Variants in CR1 observed in about 807,000 individuals in gnomAD.
CR1 encodes complement C3b/C4b receptor 1 (Knops blood group), also known as complement receptor type 1.
In CR1, 116 loss-of-function variants were observed where a neutral mutation model predicts 187.3. The ratio of observed to expected loss-of-function variants is 0.62; its 90% CI spans 0.53 to 0.72. The LOEUF (loss-of-function observed/expected upper bound fraction) is 0.72. Among genes scored for constraint, CR1 ranks in the 30% least tolerant of loss-of-function variants. CR1 has a pLI of 0.00. For missense variants in CR1, 1,731 were observed against 2,110.7 expected (o/e 0.82, Z 3.52); for synonymous variants, 576 against 747.1 (o/e 0.77, Z 3.73).
At chr1:207,635,538 G>A (rs768355118) in intron 46 of CR1, among the ~76,000 whole-genome samples, 7 of 151,970 alleles carry the variant, frequency 4.6e-5, no homozygotes, top group Non-Finnish European at 8.8e-5. Flanking sequence ...ATATACAATC[G>A]GGTTTTACAC....
At position 207,616,810 on chromosome 1, in the gene CR1, C is replaced by T. The variant is rs1170459279; in HGVS notation, c.6889+8C>T. The T allele has an allele frequency of 1.2e-6, 2 of 1,613,470 alleles. No homozygotes were observed. Among genetic ancestry groups the T allele is most frequent in the Non-Finnish European group, 8.5e-7 (1 of 1,179,664 alleles). On this transcript the variant is annotated splice_region_variant and intron_variant, in intron 41 of 46. Transcript: ENST00000367049. ...AACTTTCTGTTCCTGCTGGTTAGTACCTGCTTCCACATATCCTAAATGGGT... is the reference window on the plus strand; with the variant it reads ...AACTTTCTGTTCCTGCTGGTTAGTATCTGCTTCCACATATCCTAAATGGGT...
intron 39 of CR1, among the ~76,000 whole-genome samples, chr1:207,614,115 G>A (rs1399118955): frequency 6.6e-6 from 1 of 152,152 alleles, no homozygotes; most frequent in African/African-American, 2.4e-5. Context: ...CCTTCTGTAG[G>A]TGATGCTGGG....
At chr1:207,623,911 CTTTTTTTTTTT>C (rs71154830) in intron 45 of CR1, among the ~76,000 whole-genome samples, 5 of 52,452 alleles carry the variant, frequency 9.5e-5, no homozygotes, top group African/African-American at 7.1e-5. Context: ...ACACCATTAA[CTTTTTTTTTTT>C]TTTTTTTTTT....
chr1:207,506,893 G>C, intron 3 of CR1, 80 bp downstream of exon 3: 2 of 1,175,348 alleles, frequency 1.7e-6, no homozygotes, highest in South Asian at 1.4e-5. Flanking sequence ...TCACATGTCA[G>C]AAAGGACAAC....
chr1:207,520,383 G>A (rs1265272189), intron 4 of CR1, among the ~76,000 whole-genome samples: 1 of 152,212 alleles, frequency 6.6e-6, no homozygotes. Context: ...CAGCACGACT[G>A]CCTGGAACAT....
chr1:207,609,131 G>A (rs2102383022), intron 36 of CR1, among the ~76,000 whole-genome samples, 159 bp from the exon 37 acceptor site: 1 of 152,050 alleles, frequency 6.6e-6, no homozygotes, highest in Non-Finnish European at 1.5e-5. Flanking sequence ...TTTCAACTAG[G>A]TAAAAATGTC....
Position 207,609,686 on chromosome 1 carries a change from G to A in CR1, c.6293G>A (p.Arg2098Lys). 1 of 1,572,558 alleles carries A rather than the reference G, an allele frequency of 6.4e-7. No individual in the cohort carries two copies. The highest frequency in any genetic ancestry group is 8.6e-7 in the Non-Finnish European group (1 of 1,160,878). ...RWGPKLPHCS[R>K]VCQPPPEILH... The stretch of plus-strand genomic sequence containing the variant: ...GGGCCCAAGCTGCCACACTGCTCCA[G>A]GGGTGAGTGTGACCCATCAAGACTT... Residue 2098 changes from arginine to lysine, a missense_variant and splice_region_variant, in exon 37 of 47, where the codon AGG becomes AAG. Around this residue, in one of 5 missense-constraint regions of CR1, gnomAD observed 1,312 missense variants for 1,379.6 expected, o/e 0.95. Coordinates refer to ENST00000367049, the MANE Select transcript of CR1 (RefSeq NM_000651.6).
intron 35 of CR1, chr1:207,599,066 G>C (rs114868844): frequency 6.6e-6 from 1 of 152,242 alleles, no homozygotes; most frequent in African/African-American, 2.4e-5. Context: ...AAAATACACC[G>C]TATGTTAACA....
intron 46 of CR1, among the ~76,000 whole-genome samples, chr1:207,632,797 CAAAAAAAAA>C (rs55649027): frequency 4.6e-5 from 5 of 107,640 alleles, no homozygotes; most frequent in African/African-American, 1.8e-4. Flanking sequence ...GACTCCGTCT[CAAAAAAAAA>C]AAAAAAAAAA....
chr1:207,580,588 A>C lies in CR1; in HGVS notation c.5191A>C (p.Lys1731Gln), dbSNP rs1190970630. The change falls in exon 31 of 47, where the codon AAG (lysine) becomes CAG (glutamine). Residue 1731 changes from lysine (K) to glutamine (Q), a missense_variant. Lys to Gln is a moderately conservative substitution (Grantham distance 53, BLOSUM62 1). Around this residue, in one of 5 missense-constraint regions of CR1, gnomAD observed 1,312 missense variants for 1,379.6 expected, o/e 0.95. Coordinates refer to ENST00000367049, the MANE Select transcript of CR1 (RefSeq NM_000651.6). ...TCCACTTAATCTCCAGCTTGGGGCA[A>C]AGGTGTCCTTTGTCTGTGATGAAGG... ...LFPLNLQLGA[K>Q]VSFVCDEGFR... 1.2e-6 allele frequency: 2 copies of C among 1,613,460 alleles called. No individual in the cohort carries two copies. The highest frequency in any genetic ancestry group is 1.7e-6 in the Non-Finnish European group (2 of 1,179,798).
intron 33 of CR1, among the ~76,000 whole-genome samples, chr1:207,585,776 G>A (rs945771356): frequency 6.6e-6 from 1 of 152,104 alleles, no homozygotes; most frequent in Non-Finnish European, 1.5e-5. Context: ...CCCAGTGCAG[G>A]CTTAATGAAC....
At position 207,506,704 on chromosome 1, in the gene CR1, T is replaced by A; in HGVS notation, c.302-10T>A. 1 of 1,612,714 alleles carries A rather than the reference T, an allele frequency of 6.2e-7. No individual in the cohort carries two copies. On this transcript the variant is annotated splice_polypyrimidine_tract_variant and intron_variant, in intron 2 of 46. Transcript: ENST00000367049. ...CTACTTGGCTCCAAAATTCTGTTTC[T>A]TTCCTGTAGGTAAATCATGTCGTAA...
At chr1:207,627,087 A>T (rs1367102116) in intron 45 of CR1, among the ~76,000 whole-genome samples, 7 of 152,078 alleles carry the variant, frequency 4.6e-5, no homozygotes, top group African/African-American at 1.7e-4. Flanking sequence ...AAAAGAAACT[A>T]AAGTGATAGA....
At chr1:207,628,829 A>G (rs1447675166) in intron 45 of CR1, among the ~76,000 whole-genome samples, 2 of 152,162 alleles carry the variant, frequency 1.3e-5, no homozygotes, top group Non-Finnish European at 2.9e-5. Flanking sequence ...GTATCTTTCT[A>G]GAGAACCGTA....
In CR1 at chr1:207,630,564, C is replaced by A; in HGVS notation, c.7400C>A (p.Ser2467Tyr). ...NPKEVAIHLH[S>Y]QGGSSVHPRT... Reference sequence around the variant, plus strand: ...AAAGAAGTGGCTATCCATTTACATTCTCAAGGAGGCAGCAGCGTTCATCCC... The same window carrying A: ...AAAGAAGTGGCTATCCATTTACATTATCAAGGAGGCAGCAGCGTTCATCCC... The change falls in exon 46 of 47, where the codon TCT becomes TAT. Residue 2467 changes from serine (S) to tyrosine (Y), a missense_variant. Transcript: ENST00000367049. The A allele has an allele frequency of 6.2e-7, 1 of 1,611,934 alleles. No individual in the cohort carries two copies. The highest frequency in any genetic ancestry group is 2.2e-5 in the East Asian group (1 of 44,802).
intron 34 of CR1, among the ~76,000 whole-genome samples, chr1:207,588,434 G>A (rs950677884): frequency 2.0e-5 from 3 of 152,340 alleles, no homozygotes; most frequent in Admixed American, 1.3e-4. Flanking sequence ...GCCTCCCAAA[G>A]TGCTAGGATT....
At chr1:207,637,972 C>T (rs1185389761) in intron 46 of CR1, among the ~76,000 whole-genome samples, 3 of 152,162 alleles carry the variant, frequency 2.0e-5, no homozygotes, top group Non-Finnish European at 4.4e-5. Context: ...AATCAGTTTT[C>T]CTTCATGTGG....
rs1558206344 is a variant in CR1 at position 207,496,393 on chromosome 1, G to GAGGC, written c.121+6_121+9dup. The GAGGC allele has an allele frequency of 1.9e-6, 3 of 1,605,486 alleles. No individual in the cohort carries two copies. The highest frequency in any genetic ancestry group is 2.2e-5 in the East Asian group (1 of 44,718). On this transcript the variant is annotated splice_donor_region_variant and intron_variant, in intron 1 of 46. Transcript: ENST00000367049. ...TTGCGCTGCCGGTGGCCTGGGGTGA[G>GAGGC]AGGCGGGCGGGCGTGGGGAGGCGCC...
At chr1:207,622,115 A>T in intron 44 of CR1, 119 bp downstream of exon 44, 1 of 683,546 alleles carries the variant, frequency 1.5e-6, no homozygotes, top group Middle Eastern at 2.6e-4. Flanking sequence ...AGAGATCAAA[A>T]TATCTTCAGT....
Sources: allele counts gnomAD v4.1 joint callset (sites outside exome capture counted in the v4.1 genomes callset), GRCh38; gene constraint gnomAD v4.1.1; regional missense constraint gnomAD v4.1.1; transcripts MANE v1.5; gene names NCBI Gene and HGNC (gene_info 2026-07-23, HGNC 2026-07-21).